The following SYTL4 variants were observed in gnomAD, a reference collection of about 807,000 sequenced individuals.
SYTL4 encodes synaptotagmin like 4, also known as synaptotagmin-like protein 4.
SYTL4 carries 16 observed loss-of-function variants against 52.7 expected under a neutral mutation model. That is an observed-to-expected ratio of 0.30 (90% CI 0.21 to 0.46). The LOEUF (loss-of-function observed/expected upper bound fraction) is 0.46. Among genes scored for constraint, SYTL4 ranks in the 20% least tolerant of loss-of-function variants. The probability of loss-of-function intolerance (pLI) is 1.00; values close to 1 mark genes in which losing one functional copy is unlikely to be tolerated. For synonymous variants in SYTL4, 160 were observed against 186.6 expected, an observed-to-expected ratio of 0.86 and a Z score of 1.16; for missense variants, 423 against 519.9, an observed-to-expected ratio of 0.81 and a Z score of 1.81.
chrX:100,683,688 A>G lies in SYTL4; in HGVS notation c.1449+2302T>C, dbSNP rs999571631. ...AATGTAGAAGTTAAAATCGATATAT[A>G]ATATGGGAATGGTCTTTCTGTTGTT... is the stretch of plus-strand genomic sequence containing the variant. On this transcript the variant is annotated intron_variant, in intron 16 of 19. Transcript: ENST00000372989. 3.6e-5 allele frequency among the ~76,000 whole-genome samples: 4 copies of G among 112,493 alleles called. No individual in the cohort carries two copies. The Admixed American group carries it at 3.8e-4, about 11-fold the overall frequency.
At chrX:100,700,346 T>G (rs2147760448) in intron 8 of SYTL4, among the ~76,000 whole-genome samples, 1 of 112,334 alleles carries the variant, frequency 8.9e-6, no homozygotes, top group Admixed American at 9.4e-5. Flanking sequence ...CTAATATCTT[T>G]TACTTTAAAA....
intron 2 of SYTL4, among the ~76,000 whole-genome samples, chrX:100,718,599 C>T (rs2084274803): frequency 9.0e-6 from 1 of 110,579 alleles, no homozygotes; most frequent in Non-Finnish European, 1.9e-5. Flanking sequence ...TCCCCTAGGG[C>T]CTGCCTTCAC....
intron 9 of SYTL4, 141 bp downstream of exon 9, chrX:100,690,967 G>A (rs1365523791): frequency 3.8e-5 from 18 of 473,439 alleles, no homozygotes; most frequent in Admixed American, 7.1e-5. Context: ...ATCAGTAGAC[G>A]TGCTACTGAA....
chrX:100,702,103 G>T lies in SYTL4; in HGVS notation c.-66C>A. On this transcript the variant is annotated 5_prime_UTR_variant, in exon 5 of 20. Transcript: ENST00000372989. ...CAACCAGACAAGGAGAGCTACCAGA[G>T]TTGCCTGAAATGACAAAAGAACTAA... 2.4e-6 allele frequency: 2 copies of T among 830,606 alleles called. No homozygotes were observed. Among genetic ancestry groups the T allele is most frequent in the Non-Finnish European group, 3.5e-6 (2 of 575,733 alleles). 68.5% of individuals were successfully genotyped at this position (830,606 alleles called of 1,213,427 possible).
intron 8 of SYTL4, among the ~76,000 whole-genome samples, chrX:100,692,864 C>T (rs1602794488): frequency 9.0e-6 from 1 of 111,207 alleles, no homozygotes. Context: ...TAGAATTATC[C>T]CTAAATGATC....
chrX:100,676,227 C>T (rs2083275549), intron 19 of SYTL4, 51 bp from the exon 20 acceptor site: 2 of 1,181,937 alleles, frequency 1.7e-6, no homozygotes, highest in Admixed American at 2.2e-5. Flanking sequence ...TCTCAGCCCA[C>T]CAGGGAAGAT....
intron 2 of SYTL4, among the ~76,000 whole-genome samples, chrX:100,719,092 G>A (rs147601806): frequency 0.019 from 2,160 of 111,435 alleles, 52 homozygotes; most frequent in African/African-American, 0.067. Flanking sequence ...CATCTCACCT[G>A]GCCGGTTTTC....
chrX:100,678,029 G>T (rs1182876450), intron 19 of SYTL4, among the ~76,000 whole-genome samples: 4 of 111,576 alleles, frequency 3.6e-5, no homozygotes, highest in Non-Finnish European at 7.5e-5. Context: ...AGGTGGCCCA[G>T]AGCACTTGGA....
chrX:100,701,642 T>G lies in SYTL4; in HGVS notation c.142A>C (p.Arg48=). 8.3e-7 allele frequency: 1 copy of G among 1,211,594 alleles called. No individual in the cohort carries two copies. Among genetic ancestry groups the G allele is most frequent in the Non-Finnish European group, 1.1e-6 (1 of 895,426 alleles). ...RLKNELLEIK[R]KGAKRGSQHY... ...TGGCTGCCCCTCTTGGCCCCTTTCCTTTTTATCTCCAGTAACTCATTCTTT... is the reference window on the plus strand; with the variant it reads ...TGGCTGCCCCTCTTGGCCCCTTTCCGTTTTATCTCCAGTAACTCATTCTTT... Residue 48 remains arginine (R), a synonymous_variant, in exon 6 of 20, where the codon AGG becomes CGG. Coordinates refer to ENST00000372989, the MANE Select transcript of SYTL4 (RefSeq NM_001370165.1).
chrX:100,694,110 C>G lies in SYTL4; in HGVS notation c.540-2901G>C, dbSNP rs756141460. On this transcript the variant is annotated intron_variant, in intron 8 of 19. Coordinates refer to ENST00000372989, the MANE Select transcript of SYTL4 (RefSeq NM_001370165.1). Reference sequence around the variant, plus strand: ...ATTAGATAGTGGTGATCTAATTTCACAACATTCTGAAAGTACTAACAATCA... The same window carrying G: ...ATTAGATAGTGGTGATCTAATTTCAGAACATTCTGAAAGTACTAACAATCA... Among the ~76,000 whole-genome samples the G allele has an allele frequency of 3.3e-4, 37 of 111,811 alleles. 1 individual carries two copies. In the Middle Eastern group the frequency reaches 0.018, roughly 56 times the overall value.
chrX:100,689,180 C>T, intron 12 of SYTL4, among the ~76,000 whole-genome samples: 1 of 100,704 alleles, frequency 9.9e-6, no homozygotes, highest in Admixed American at 1.1e-4. Context: ...CAAGACCAGG[C>T]TGGGAAATAC....
At chrX:100,681,064 G>GA (rs1328566567) in intron 17 of SYTL4, among the ~76,000 whole-genome samples, 163 bp downstream of exon 17, 2 of 111,164 alleles carry the variant, frequency 1.8e-5, no homozygotes, top group Non-Finnish European at 3.8e-5. Flanking sequence ...CCTTCTGTTT[G>GA]AAAAAACGCA....
At chrX:100,690,683 TC>T in intron 9 of SYTL4, 45 bp from the exon 10 acceptor site, 1 of 1,015,867 alleles carries the variant, frequency 9.8e-7, no homozygotes, top group South Asian at 2.2e-5. Context: ...CTCCTACCCT[TC>T]CCCTTCTACC....
chrX:100,678,578 G>C lies in SYTL4; in HGVS notation c.1680C>G (p.Asn560Lys). ...CAGGAGTTTTACGTTTACTGGCCTT[G>C]TTCCTCATGGGAAGGAGGTATCTGG... ...FVKGYLLPMR[N>K]KASKRKTPVM... The change falls in exon 19 of 20, where the codon AAC (asparagine) becomes AAG (lysine). Residue 560 changes from asparagine (N) to lysine (K), a missense_variant. Coordinates refer to ENST00000372989, the MANE Select transcript of SYTL4 (RefSeq NM_001370165.1). 8.3e-7 allele frequency: 1 copy of C among 1,210,601 alleles called. No homozygotes were observed. Among genetic ancestry groups the C allele is most frequent in the Non-Finnish European group, 1.1e-6 (1 of 894,506 alleles).
At chrX:100,707,534 A>C (rs2147781366) in intron 2 of SYTL4, among the ~76,000 whole-genome samples, 1 of 112,011 alleles carries the variant, frequency 8.9e-6, no homozygotes, top group African/African-American at 3.2e-5. Context: ...CATATGCAAT[A>C]AACCAAGTGA....
intron 2 of SYTL4, among the ~76,000 whole-genome samples, chrX:100,710,949 C>G (rs149504707): frequency 1.0e-3 from 115 of 112,397 alleles, no homozygotes; most frequent in African/African-American, 3.3e-3. Flanking sequence ...GGAAATTACT[C>G]TAGGCCAGGG....
chrX:100,690,230 GA>G (rs2083567257), intron 10 of SYTL4, 65 bp from the exon 11 acceptor site: 55 of 827,967 alleles, frequency 6.6e-5, no homozygotes, highest in Non-Finnish European at 9.3e-5. Context: ...AGTGAGTAAG[GA>G]AGGACAGTCT....
chrX:100,707,281 A>C, intron 2 of SYTL4, among the ~76,000 whole-genome samples: 1 of 111,464 alleles, frequency 9.0e-6, no homozygotes, highest in South Asian at 3.7e-4. Context: ...AAATTAAATT[A>C]AATAAGAAAT....
At chrX:100,731,804 A>T (rs184572084) in intron 1 of SYTL4, among the ~76,000 whole-genome samples, 200 bp downstream of exon 1, 2 of 111,388 alleles carry the variant, frequency 1.8e-5, no homozygotes, top group Admixed American at 1.9e-4. Context: ...AAGCCTGGGG[A>T]TGCGGTCGGG....
Sources: allele counts gnomAD v4.1 joint callset (sites outside exome capture counted in the v4.1 genomes callset), GRCh38; gene constraint gnomAD v4.1.1; transcripts MANE v1.5; gene names NCBI Gene and HGNC (gene_info 2026-07-23, HGNC 2026-07-21).